SUPT5H: variants seen among roughly 807,000 people sequenced by gnomAD.
SUPT5H encodes SPT5 homolog, DSIF elongation factor subunit.
SUPT5H carries 24 observed loss-of-function variants against 142.5 expected under a neutral mutation model. The ratio of observed to expected loss-of-function variants is 0.17; its 90% CI spans 0.12 to 0.24. SUPT5H has a LOEUF of 0.24. Ranked by LOEUF, SUPT5H falls within the 10% of genes least tolerant of loss-of-function variation. The pLI, the probability that SUPT5H is intolerant of heterozygous loss-of-function variation, is 1.00. For missense variants in SUPT5H, 893 were observed against 1,471.8 expected (o/e 0.61, Z 6.43); for synonymous variants, 546 against 553.0 (o/e 0.99, Z 0.18).
In SUPT5H at chr19:39,445,637, G is replaced by GGTAA. The variant is rs1471742490; in HGVS notation, c.-88+3_-88+6dup. 1.9e-6 allele frequency: 1 copy of GGTAA among 515,638 alleles called. No homozygotes were observed. The highest frequency in any genetic ancestry group is 3.5e-6 in the Non-Finnish European group (1 of 283,676). The allele number at this position is 515,638 out of a possible 1,614,324, so 31.9% of individuals were successfully genotyped here. On this transcript the variant is annotated splice_region_variant and 5_prime_UTR_variant. Transcript: ENST00000432763. Reference sequence around the variant, plus strand: ...CCGAAGGCGGAGGTGGAGCCCGAGAGGTAAGTGCGTGTGCAGAGGTGGCAG... The same window carrying GGTAA: ...CCGAAGGCGGAGGTGGAGCCCGAGAGGTAAGTAAGTGCGTGTGCAGAGGTGGCAG...
intron 11 of SUPT5H, among the ~76,000 whole-genome samples, chr19:39,465,470 A>C (rs1254685574): frequency 6.6e-6 from 1 of 152,156 alleles, no homozygotes; most frequent in Admixed American, 6.5e-5. Flanking sequence ...CTTCAATGTT[A>C]ATAAGATTTC....
Position 39,458,231 on chromosome 19 carries a change from C to CCCACCACCACCACCACCA in SUPT5H, c.308-36_308-19dup, listed in dbSNP as rs113169927. The stretch of plus-strand genomic sequence containing the variant: ...TTGGCTCATACTTTGTCTGCCCTCG[C>CCCACCACCACCACCACCA]CCACCACCACCACCACCACCACCAC... On this transcript the variant is annotated intron_variant, in intron 4 of 29. Coordinates refer to ENST00000432763, the MANE Select transcript of SUPT5H (RefSeq NM_001111020.3). This position sits in a 1 kb window ranked among gnomAD's most constrained non-coding sequence, Gnocchi z 4.2. 10 of 1,364,610 alleles carry CCCACCACCACCACCACCA rather than the reference C, an allele frequency of 7.3e-6. No individual in the cohort carries two copies. Among genetic ancestry groups the CCCACCACCACCACCACCA allele is most frequent in the African/African-American group, 3.1e-5 (2 of 64,194 alleles). 84.5% of individuals were successfully genotyped at this position (1,364,610 alleles called of 1,614,324 possible).
At chr19:39,471,543 A>G in intron 19 of SUPT5H, 40 bp downstream of exon 19, 1 of 1,613,842 alleles carries the variant, frequency 6.2e-7, no homozygotes, top group Non-Finnish European at 8.5e-7. Context: ...ATCTGAAAGA[A>G]TTTGGTTGGT....
Position 39,445,822 on chromosome 19 carries a change from G to A in SUPT5H, c.-69G>A. On this transcript the variant is annotated 5_prime_UTR_variant, in exon 2 of 30. Transcript: ENST00000432763. ...CTCCCAGGGAACCAGCGGGGAAACTGAGGCTCGGGGTGGAGCGCAGGATTG... is the reference window on the plus strand; with the variant it reads ...CTCCCAGGGAACCAGCGGGGAAACTAAGGCTCGGGGTGGAGCGCAGGATTG... 6.4e-7 allele frequency: 1 copy of A among 1,571,116 alleles called. No individual in the cohort carries two copies. The highest frequency in any genetic ancestry group is 1.1e-5 in the South Asian group (1 of 88,052).
intron 10 of SUPT5H, among the ~76,000 whole-genome samples, chr19:39,463,148 C>A (rs747590829): frequency 3.3e-5 from 5 of 150,812 alleles, no homozygotes; most frequent in African/African-American, 1.2e-4. Flanking sequence ...GAACCCACTG[C>A]GCCTGGCCAA....
At chr19:39,464,541 A>T (rs1418049570) in intron 10 of SUPT5H, among the ~76,000 whole-genome samples, 3 of 152,120 alleles carry the variant, frequency 2.0e-5, no homozygotes, top group Non-Finnish European at 4.4e-5. Flanking sequence ...TGTATTCTTT[A>T]ACTGCAACAT....
In SUPT5H at chr19:39,471,682, C is replaced by T. The variant is rs559817184; in HGVS notation, c.1902C>T (p.Gly634=). 3 of 1,614,060 alleles carry T rather than the reference C, an allele frequency of 1.9e-6. No individual in the cohort carries two copies. In the South Asian group the frequency reaches 3.3e-5, roughly 18 times the overall value. ...LHCKKLVENG[G]MFVCKTRHLV... is the part of the protein sequence containing the mutation. ...GCAAGAAACTGGTGGAGAACGGGGG[C>T]ATGTTTGTCTGCAAGACCCGCCACC... Residue 634 remains glycine, a synonymous_variant, in exon 20 of 30, where the codon GGC becomes GGT. Coordinates refer to ENST00000432763, the MANE Select transcript of SUPT5H (RefSeq NM_001111020.3).
intron 10 of SUPT5H, among the ~76,000 whole-genome samples, chr19:39,463,388 AGTGTGTTGCCAT>A (rs2079191948): frequency 6.6e-6 from 1 of 151,920 alleles, no homozygotes; most frequent in African/African-American, 2.4e-5. Flanking sequence ...GGTATCTAGG[AGTGTGTTGCCAT>A]GTATTTGTGA....
Position 39,474,828 on chromosome 19 carries a change from G to A in SUPT5H, c.3024+110G>A. ...GACAGCCCAGAGTGGGCAGAGCTGGGATTGAGGAAGCCTAGAGGGCAAGGG... is the reference window on the plus strand; with the variant it reads ...GACAGCCCAGAGTGGGCAGAGCTGGAATTGAGGAAGCCTAGAGGGCAAGGG... On this transcript the variant is annotated intron_variant, in intron 28 of 29. Coordinates refer to ENST00000432763, the MANE Select transcript of SUPT5H (RefSeq NM_001111020.3). The surrounding 1 kb of genome is among the most constrained non-coding windows in gnomAD (Gnocchi z 6.5). The A allele has an allele frequency of 1.6e-6, 2 of 1,248,766 alleles. No individual in the cohort carries two copies. Among genetic ancestry groups the A allele is most frequent in the Non-Finnish European group, 2.2e-6 (2 of 892,478 alleles). The allele number at this position is 1,248,766 out of a possible 1,614,324, so 77.4% of individuals were successfully genotyped here. A position where few individuals can be genotyped will look rare whatever the true frequency, so the allele number is the denominator to read the frequency against.
chr19:39,468,940 T>C, intron 14 of SUPT5H, 79 bp downstream of exon 14: 1 of 1,551,516 alleles, frequency 6.4e-7, no homozygotes, highest in Non-Finnish European at 8.9e-7. Flanking sequence ...CTGTGGGTTA[T>C]CTGGTTCTGT....
At chr19:39,453,617 C>T (rs2079048490) in intron 3 of SUPT5H, 96 bp downstream of exon 3, 17 of 1,384,084 alleles carry the variant, frequency 1.2e-5, no homozygotes, top group Middle Eastern at 2.7e-4. Context: ...CTCGCTCTGT[C>T]GCCCAGGCTG....
intron 3 of SUPT5H, among the ~76,000 whole-genome samples, chr19:39,454,326 G>A (rs2079058119): frequency 6.6e-6 from 1 of 151,132 alleles, no homozygotes; most frequent in Admixed American, 6.6e-5. Context: ...AAATTGCTAG[G>A]TAAAGGTGGT....
At chr19:39,458,000 T>G (rs1210517461) in intron 4 of SUPT5H, 23 of 764,264 alleles carry the variant, frequency 3.0e-5, no homozygotes, top group Non-Finnish European at 3.2e-5. Context: ...CCTTCTGGGG[T>G]TGTAGGGTGG....
At chr19:39,449,403 C>G (rs994742904) in intron 2 of SUPT5H, among the ~76,000 whole-genome samples, 3 of 152,136 alleles carry the variant, frequency 2.0e-5, no homozygotes, top group African/African-American at 7.2e-5. Flanking sequence ...TGTGCTTCAT[C>G]GTGGGCTAGT....
At chr19:39,446,223 C>A (rs1237664265) in intron 2 of SUPT5H, among the ~76,000 whole-genome samples, 1 of 151,920 alleles carries the variant, frequency 6.6e-6, no homozygotes, top group Non-Finnish European at 1.5e-5. Context: ...AAGCACTTAG[C>A]ATTAGTTTTT....
At position 39,459,877 on chromosome 19, in the gene SUPT5H, C is replaced by T. The variant is rs1367429030; in HGVS notation, c.556-15C>T. The T allele has an allele frequency of 2.5e-6, 4 of 1,613,810 alleles. No individual in the cohort carries two copies. The African/African-American group carries it at 5.3e-5, about 22-fold the overall frequency. ...CATCCTGTCATCTCTCTCAAATCTG[C>T]CTCTCATCTTCCAGATTGGGGAGGA... On this transcript the variant is annotated splice_polypyrimidine_tract_variant and intron_variant, in intron 9 of 29. Transcript: ENST00000432763.
In SUPT5H at chr19:39,474,749, G is replaced by A. The variant is rs764812733; in HGVS notation, c.3024+31G>A. ...TGGGGCCCAGGGTGGTGGGTGAGCA[G>A]GCATCCTCTCCTTGGTACCCCCTAA... On this transcript the variant is annotated intron_variant, in intron 28 of 29. Coordinates refer to ENST00000432763, the MANE Select transcript of SUPT5H (RefSeq NM_001111020.3). This position sits in a 1 kb window ranked among gnomAD's most constrained non-coding sequence, Gnocchi z 6.5. The A allele has an allele frequency of 7.0e-6, 11 of 1,581,822 alleles. No homozygotes were observed. Among genetic ancestry groups the A allele is most frequent in the Non-Finnish European group, 9.5e-6 (11 of 1,163,784 alleles).
At chr19:39,461,929 T>C (rs1290600631) in intron 10 of SUPT5H, among the ~76,000 whole-genome samples, 1 of 151,990 alleles carries the variant, frequency 6.6e-6, no homozygotes, top group Non-Finnish European at 1.5e-5. Flanking sequence ...TTGAGTTATG[T>C]CTCTGATTAT....
Position 39,473,236 on chromosome 19 carries a change from C to T in SUPT5H, c.2292C>T (p.Thr764=). 6.2e-7 allele frequency: 1 copy of T among 1,613,522 alleles called. No homozygotes were observed. The highest frequency in any genetic ancestry group is 8.5e-7 in the Non-Finnish European group (1 of 1,179,964). ...GGCGCCCGGGCGGCATGACCTCGAC[C>T]TATGGGAGGACGCCCATGTATGGCT... is the stretch of plus-strand genomic sequence containing the variant. ...GSRRPGGMTS[T]YGRTPMYGSQ... The change falls in exon 24 of 30, where the codon ACC becomes ACT. Residue 764 remains threonine, a synonymous_variant. Coordinates refer to ENST00000432763, the MANE Select transcript of SUPT5H (RefSeq NM_001111020.3). The surrounding 1 kb of genome is among the most constrained non-coding windows in gnomAD (Gnocchi z 5.8).
Sources: gnomAD v4.1 joint callset for allele counts (sites outside exome capture counted in the v4.1 genomes callset) on GRCh38, gnomAD v4.1.1 for gene constraint, Gnocchi (gnomAD v3.1) non-coding constraint, MANE v1.5 for transcripts, NCBI Gene and HGNC (gene_info 2026-07-23, HGNC 2026-07-21) for gene names.